The following STK38L variants were observed in gnomAD, a reference collection of about 807,000 sequenced individuals.
STK38L encodes the protein serine/threonine-protein kinase 38-like.
In STK38L, 28 loss-of-function variants were observed where a neutral mutation model predicts 59.7. That is an observed-to-expected ratio of 0.47 (90% CI 0.35 to 0.64). The LOEUF (loss-of-function observed/expected upper bound fraction) is 0.64. Among genes scored for constraint, STK38L ranks in the 30% least tolerant of loss-of-function variants. The pLI is 0.01. For synonymous variants in STK38L, 162 were observed against 176.8 expected (o/e 0.92, Z 0.66); for missense variants, 314 against 555.8 (o/e 0.56, Z 4.37).
At position 27,288,115 on chromosome 12, in the gene STK38L, C is replaced by T. The variant is rs554878462; in HGVS notation, c.-11-9595C>T. 2.3e-3 allele frequency among the ~76,000 whole-genome samples: 354 copies of T among 152,244 alleles called. 1 individual carries two copies. The highest frequency in any genetic ancestry group is 3.9e-3 in the Non-Finnish European group (267 of 68,010). ...CAGGCTGGTATCGAACTCCTGACCT[C>T]AAGTCATCCACCTGCCTTAGCCTTC... is the stretch of plus-strand genomic sequence containing the variant. On this transcript the variant is annotated intron_variant, in intron 1 of 13. Coordinates refer to ENST00000389032, the MANE Select transcript of STK38L (RefSeq NM_015000.4).
intron 3 of STK38L, chr12:27,302,395 G>T: frequency 2.7e-6 from 1 of 374,944 alleles, no homozygotes; most frequent in Non-Finnish European, 4.8e-6. Flanking sequence ...GTATTTAAGA[G>T]AACATTGCCA....
At chr12:27,314,066 G>A (rs984782694) in intron 6 of STK38L, among the ~76,000 whole-genome samples, 1 of 152,110 alleles carries the variant, frequency 6.6e-6, no homozygotes, top group Non-Finnish European at 1.5e-5. Flanking sequence ...TTTGTCCCAA[G>A]ATGTGGTTAG....
At chr12:27,248,135 C>A (rs1942896626) in intron 1 of STK38L, among the ~76,000 whole-genome samples, 1 of 152,090 alleles carries the variant, frequency 6.6e-6, no homozygotes, top group Non-Finnish European at 1.5e-5. Context: ...TTTTTTAAAC[C>A]ACTTGGCACT....
intron 3 of STK38L, among the ~76,000 whole-genome samples, chr12:27,303,144 C>T (rs981412338): frequency 1.2e-4 from 18 of 151,916 alleles, no homozygotes; most frequent in African/African-American, 3.9e-4. Context: ...CCTGTCTTGC[C>T]TGTGGACCTT....
chr12:27,244,855 G>A (rs1942815696), intron 1 of STK38L, among the ~76,000 whole-genome samples: 1 of 152,150 alleles, frequency 6.6e-6, no homozygotes, highest in Admixed American at 6.5e-5. Context: ...TAGAAGCCAC[G>A]GAGTGCTCAA....
Position 27,308,042 on chromosome 12 carries a change from A to G in STK38L, c.187-297A>G, listed in dbSNP as rs895317412. On this transcript the variant is annotated intron_variant, in intron 3 of 13. Coordinates refer to ENST00000389032, the MANE Select transcript of STK38L (RefSeq NM_015000.4). The surrounding 1 kb of genome is among the most constrained non-coding windows in gnomAD (Gnocchi z 4.5). Reference sequence around the variant, plus strand: ...CAGAATACCATTAACATTTACTAACATTTAATTTTTATTTATGGAATTGTT... The same window carrying G: ...CAGAATACCATTAACATTTACTAACGTTTAATTTTTATTTATGGAATTGTT... 6.6e-6 allele frequency among the ~76,000 whole-genome samples: 1 copy of G among 152,076 alleles called. No homozygotes were observed. The highest frequency in any genetic ancestry group is 2.4e-5 in the African/African-American group (1 of 41,428).
At chr12:27,251,443 C>A (rs757679618) in intron 1 of STK38L, among the ~76,000 whole-genome samples, 1 of 152,158 alleles carries the variant, frequency 6.6e-6, no homozygotes, top group Non-Finnish European at 1.5e-5. Flanking sequence ...AAGAGAGGAA[C>A]TCAGATTAAA....
intron 1 of STK38L, among the ~76,000 whole-genome samples, chr12:27,245,181 G>A (rs146833563): frequency 2.0e-4 from 31 of 152,290 alleles, no homozygotes; most frequent in African/African-American, 7.2e-4. Flanking sequence ...GGTGGGGGGA[G>A]GGCTAGTGGC....
chr12:27,309,624 A>C lies in STK38L; in HGVS notation c.393+427A>C, dbSNP rs1010611859. 2.0e-5 allele frequency among the ~76,000 whole-genome samples: 3 copies of C among 152,312 alleles called. No homozygotes were observed. In the South Asian group the frequency reaches 6.2e-4, roughly 32 times the overall value. ...AGAACTCTCTGGTGTCTCTTCTTAT[A>C]AGGACATTAATTCCACCCTTATGAC... On this transcript the variant is annotated intron_variant, in intron 5 of 13. Transcript: ENST00000389032.
intron 2 of STK38L, among the ~76,000 whole-genome samples, chr12:27,299,756 A>G (rs926793795): frequency 2.0e-5 from 3 of 152,072 alleles, no homozygotes; most frequent in Non-Finnish European, 4.4e-5. Context: ...TAGAGTTTGT[A>G]ATTTCCAGAC....
chr12:27,319,664 C>T (rs1944676150), intron 12 of STK38L, among the ~76,000 whole-genome samples: 1 of 152,134 alleles, frequency 6.6e-6, no homozygotes, highest in Admixed American at 6.6e-5. Flanking sequence ...TTCTTATATT[C>T]ATATTCACAG....
At chr12:27,296,417 C>G (rs1340149858) in intron 1 of STK38L, among the ~76,000 whole-genome samples, 1 of 152,140 alleles carries the variant, frequency 6.6e-6, no homozygotes, top group East Asian at 1.9e-4. Flanking sequence ...GGTATAAACC[C>G]CTAATAGGAC....
At chr12:27,275,351 T>G (rs1200279157) in intron 1 of STK38L, among the ~76,000 whole-genome samples, 1 of 151,130 alleles carries the variant, frequency 6.6e-6, no homozygotes, top group African/African-American at 2.4e-5. Flanking sequence ...TCTTTTTTTT[T>G]TTTTTTTTTG....
intron 1 of STK38L, among the ~76,000 whole-genome samples, chr12:27,286,424 C>G (rs34079164): frequency 0.088 from 13,317 of 152,144 alleles, 602 homozygotes; most frequent in South Asian, 0.12. Context: ...ATTTAACTTC[C>G]TCTCCCATTT....
At chr12:27,256,663 T>C (rs1021680876) in intron 1 of STK38L, among the ~76,000 whole-genome samples, 16 of 152,252 alleles carry the variant, frequency 1.1e-4, no homozygotes, top group African/African-American at 3.9e-4. Flanking sequence ...GCATTTGCTA[T>C]GTGCCAGGCA....
intron 1 of STK38L, among the ~76,000 whole-genome samples, chr12:27,286,140 T>TC (rs1225108580): frequency 2.6e-5 from 4 of 152,178 alleles, no homozygotes; most frequent in Non-Finnish European, 4.4e-5. Context: ...TCTTTGCTGT[T>TC]CTCCACTAAA....
chr12:27,272,785 C>T (rs1256756494), intron 1 of STK38L, among the ~76,000 whole-genome samples: 1 of 152,204 alleles, frequency 6.6e-6, no homozygotes, highest in African/African-American at 2.4e-5. Flanking sequence ...AGAAAAGTTG[C>T]ACCTGCCTGC....
intron 2 of STK38L, among the ~76,000 whole-genome samples, chr12:27,299,263 G>C (rs1944105112): frequency 6.6e-6 from 1 of 152,198 alleles, no homozygotes; most frequent in Non-Finnish European, 1.5e-5. Flanking sequence ...ATACAGGTAT[G>C]GTGAGAATTA....
intron 9 of STK38L, 29 bp from the exon 10 acceptor site, chr12:27,317,307 T>A: frequency 1.3e-6 from 2 of 1,496,004 alleles, no homozygotes; most frequent in Non-Finnish European, 1.8e-6. Flanking sequence ...ATGTTAAGAA[T>A]GCTGGTTTGA....
Sources: gnomAD v4.1 joint callset for allele counts (sites outside exome capture counted in the v4.1 genomes callset) on GRCh38, gnomAD v4.1.1 for gene constraint, Gnocchi (gnomAD v3.1) non-coding constraint, MANE v1.5 for transcripts, NCBI Gene and HGNC (gene_info 2026-07-23, HGNC 2026-07-21) for gene names.